CACNA2D3: variants seen among roughly 807,000 people sequenced by gnomAD.
CACNA2D3 encodes calcium voltage-gated channel auxiliary subunit alpha2delta 3.
A neutral mutation model predicts 160.6 loss-of-function variants in CACNA2D3; 60 were observed. The observed-to-expected ratio is 0.37, with a 90% CI of 0.30 to 0.46. The LOEUF (loss-of-function observed/expected upper bound fraction) is 0.46, where lower values mean the gene tolerates loss of function less well. CACNA2D3 is among the 20% of genes least tolerant of loss of function. The probability of loss-of-function intolerance (pLI) is 1.00; values close to 1 mark genes in which losing one functional copy is unlikely to be tolerated. For missense variants in CACNA2D3, 1,205 were observed against 1,365.0 expected, an observed-to-expected ratio of 0.88 and a Z score of 1.85; for synonymous variants, 558 against 492.9, an observed-to-expected ratio of 1.13 and a Z score of -1.75.
intron 11 of CACNA2D3, among the ~76,000 whole-genome samples, chr3:54,729,882 C>T (rs1206562689): frequency 1.3e-5 from 2 of 151,472 alleles, no homozygotes; most frequent in Non-Finnish European, 2.9e-5. Flanking sequence ...GCCTGTAGTC[C>T]CAGTTACTCA....
intron 2 of CACNA2D3, among the ~76,000 whole-genome samples, chr3:54,158,959 G>T (rs958479533): frequency 6.6e-6 from 1 of 152,194 alleles, no homozygotes; most frequent in African/African-American, 2.4e-5. Context: ...ATGAGTGGGG[G>T]TGATCTGTTT....
At chr3:54,249,763 T>C (rs1288487414) in intron 2 of CACNA2D3, among the ~76,000 whole-genome samples, 1 of 119,990 alleles carries the variant, frequency 8.3e-6, no homozygotes, top group African/African-American at 3.3e-5. Flanking sequence ...ACCAAAATTA[T>C]GTTTTTTTTT....
rs1212114954 is a variant in CACNA2D3 at position 54,738,749 on chromosome 3, T to G, written c.1168-13850T>G. The stretch of plus-strand genomic sequence containing the variant: ...AAGCTCTTTGAAGACAAGAATGATC[T>G]ATGATCCCATATGATCCTACCTTCT... On this transcript the variant is annotated intron_variant, in intron 11 of 37. Transcript: ENST00000474759. 3.9e-5 allele frequency among the ~76,000 whole-genome samples: 6 copies of G among 152,246 alleles called. No individual in the cohort carries two copies. The East Asian group carries it at 1.2e-3, about 29-fold the overall frequency.
intron 21 of CACNA2D3, among the ~76,000 whole-genome samples, chr3:54,881,208 C>G (rs1699788443): frequency 6.6e-6 from 1 of 152,154 alleles, no homozygotes; most frequent in Non-Finnish European, 1.5e-5. Flanking sequence ...ATATTCTTCT[C>G]ATACATAAAA....
intron 2 of CACNA2D3, among the ~76,000 whole-genome samples, chr3:54,124,413 C>T (rs1394842177): frequency 6.6e-6 from 1 of 152,108 alleles, no homozygotes; most frequent in African/African-American, 2.4e-5. Flanking sequence ...CAAAGAATTT[C>T]AAGTTAGCAG....
At chr3:54,291,125 CA>C (rs1703191804) in intron 2 of CACNA2D3, among the ~76,000 whole-genome samples, 1 of 152,120 alleles carries the variant, frequency 6.6e-6, no homozygotes, top group South Asian at 2.1e-4. Flanking sequence ...GGTTGCATAC[CA>C]AAATACAAAT....
intron 13 of CACNA2D3, among the ~76,000 whole-genome samples, chr3:54,786,758 A>T (rs1490050514): frequency 6.6e-6 from 1 of 152,204 alleles, no homozygotes; most frequent in Non-Finnish European, 1.5e-5. Context: ...ATCCATGGTT[A>T]AAAAAACACA....
At chr3:54,994,590 G>T (rs1261332258) in intron 31 of CACNA2D3, among the ~76,000 whole-genome samples, 2 of 152,144 alleles carry the variant, frequency 1.3e-5, no homozygotes, top group Non-Finnish European at 2.9e-5. Flanking sequence ...AACAGTAACT[G>T]CCCTCATCTT....
At chr3:54,490,335 GCA>G (rs1389150041) in intron 4 of CACNA2D3, among the ~76,000 whole-genome samples, 1 of 182 alleles carries the variant, frequency 5.5e-3, no homozygotes, top group Non-Finnish European at 0.015. Context: ...TCCCTGCGCA[GCA>G]GCAGGCTCCC....
chr3:54,619,908 C>G (rs1698945662), intron 9 of CACNA2D3, among the ~76,000 whole-genome samples: 1 of 152,116 alleles, frequency 6.6e-6, no homozygotes, highest in Non-Finnish European at 1.5e-5. Flanking sequence ...GAGACTCATC[C>G]CAGGTTGAGG....
chr3:54,905,137 A>C, intron 27 of CACNA2D3, among the ~76,000 whole-genome samples: 1 of 152,328 alleles, frequency 6.6e-6, no homozygotes. Context: ...TTTAAATTAT[A>C]AAATTCAATG....
chr3:54,345,870 G>C (rs1376253632), intron 3 of CACNA2D3, among the ~76,000 whole-genome samples: 1 of 151,004 alleles, frequency 6.6e-6, no homozygotes, highest in Non-Finnish European at 1.5e-5. Flanking sequence ...TGTAGAATCT[G>C]AATCAAAGTT....
intron 26 of CACNA2D3, among the ~76,000 whole-genome samples, chr3:54,898,110 C>CT (rs1213971250): frequency 6.6e-6 from 1 of 151,664 alleles, no homozygotes; most frequent in East Asian, 1.9e-4. Context: ...TCCTTTCTTT[C>CT]TTTTTTCTTT....
At chr3:54,351,270 C>T (rs1272526601) in intron 3 of CACNA2D3, among the ~76,000 whole-genome samples, 2 of 152,022 alleles carry the variant, frequency 1.3e-5, no homozygotes, top group African/African-American at 2.4e-5. Context: ...GCATGAGCTA[C>T]CGCGCCCGGC....
At chr3:54,400,058 A>C (rs1699421973) in intron 4 of CACNA2D3, among the ~76,000 whole-genome samples, 1 of 133,818 alleles carries the variant, frequency 7.5e-6, no homozygotes, top group African/African-American at 2.9e-5. Flanking sequence ...GAGTGACCCG[A>C]TTTTCCAGGT....
At chr3:54,955,047 A>C (rs1701848281) in intron 27 of CACNA2D3, among the ~76,000 whole-genome samples, 1 of 152,234 alleles carries the variant, frequency 6.6e-6, no homozygotes, top group Non-Finnish European at 1.5e-5. Flanking sequence ...GTTTGCTGAA[A>C]ATCAACTGAC....
intron 2 of CACNA2D3, among the ~76,000 whole-genome samples, chr3:54,283,954 C>G (rs1702947187): frequency 6.6e-6 from 1 of 152,062 alleles, no homozygotes; most frequent in South Asian, 2.1e-4. Context: ...CCCAGCTACT[C>G]AGGAGGCTGA....
chr3:55,004,669 T>A (rs1703051384), intron 31 of CACNA2D3, 94 bp from the exon 32 acceptor site: 4 of 806,356 alleles, frequency 5.0e-6, no homozygotes, highest in Non-Finnish European at 8.5e-6. Context: ...CCGTTGCACT[T>A]GATGATAGTG....
chr3:54,423,563 G>C (rs1266807657), intron 4 of CACNA2D3, among the ~76,000 whole-genome samples: 1 of 152,178 alleles, frequency 6.6e-6, no homozygotes, highest in Non-Finnish European at 1.5e-5. Context: ...TTTGTTGACT[G>C]TGGGCTGCAG....
Sources: allele counts gnomAD v4.1 joint callset (sites outside exome capture counted in the v4.1 genomes callset), GRCh38; gene constraint gnomAD v4.1.1; transcripts MANE v1.5; gene names NCBI Gene and HGNC (gene_info 2026-07-23, HGNC 2026-07-21).